Variants in ELAVL2 observed in about 807,000 individuals in gnomAD.
ELAVL2 encodes ELAV-like protein 2.
Under a neutral mutation model 34.6 loss-of-function variants are expected in ELAVL2, and 4 were observed. The observed-to-expected ratio is 0.12, with a 90% CI of 0.06 to 0.26. ELAVL2 has a LOEUF of 0.26. Ranked by LOEUF, ELAVL2 falls within the 10% of genes least tolerant of loss-of-function variation. The pLI is 1.00. For synonymous variants in ELAVL2, 193 were observed against 154.8 expected (o/e 1.25, Z -1.83); for missense variants, 432 against 442.8 (o/e 0.98, Z 0.22).
At chr9:23,704,209 G>C (rs2038525154) in intron 4 of ELAVL2, among the ~76,000 whole-genome samples, 4 of 151,684 alleles carry the variant, frequency 2.6e-5, no homozygotes, top group South Asian at 2.1e-4. Context: ...TTGGATTATA[G>C]GCATGAGCCA....
chr9:23,791,298 T>G (rs760620194), intron 1 of ELAVL2, among the ~76,000 whole-genome samples: 2 of 152,206 alleles, frequency 1.3e-5, no homozygotes, highest in South Asian at 2.1e-4. Flanking sequence ...AGCATTTCCC[T>G]TCTGGAATGA....
chr9:23,720,669 A>G (rs2043448020), intron 3 of ELAVL2, among the ~76,000 whole-genome samples: 1 of 152,228 alleles, frequency 6.6e-6, no homozygotes, highest in Non-Finnish European at 1.5e-5. Context: ...TTAAAAACAC[A>G]TTAGTGAATC....
At chr9:23,724,253 C>T (rs975837564) in intron 3 of ELAVL2, among the ~76,000 whole-genome samples, 2 of 152,194 alleles carry the variant, frequency 1.3e-5, no homozygotes, top group African/African-American at 4.8e-5. Flanking sequence ...GCAGGGGACA[C>T]TGCCACCAAG....
At chr9:23,713,069 G>A (rs1271230845) in intron 3 of ELAVL2, among the ~76,000 whole-genome samples, 2 of 152,184 alleles carry the variant, frequency 1.3e-5, no homozygotes, top group Admixed American at 6.5e-5. Flanking sequence ...GTGTATCAAA[G>A]AGGGTCTAAA....
chr9:23,837,973 C>T, the ELAVL2 span, among the ~76,000 whole-genome samples: 6 of 152,150 alleles, frequency 3.9e-5, no homozygotes, highest in Admixed American at 3.3e-4. Context: ...TTCCAACCAG[C>T]GGGTAACATT....
intron 2 of ELAVL2, among the ~76,000 whole-genome samples, chr9:23,747,020 T>TGA (rs1243399894): frequency 6.6e-6 from 1 of 152,050 alleles, no homozygotes; most frequent in African/African-American, 2.4e-5. Context: ...CTACCTCCCT[T>TGA]GAACCATGAG....
At chr9:23,768,495 A>G (rs947255671) in intron 1 of ELAVL2, among the ~76,000 whole-genome samples, 1 of 151,974 alleles carries the variant, frequency 6.6e-6, no homozygotes, top group Non-Finnish European at 1.5e-5. Context: ...TAAATTGGAA[A>G]CACAAATAAT....
At position 23,702,974 on chromosome 9, in the gene ELAVL2, A is replaced by AAAAAAC. The variant is rs1299677934; in HGVS notation, c.488-1371_488-1370insGTTTTT. Among the ~76,000 whole-genome samples the AAAAAAC allele has an allele frequency of 1.2e-3, 172 of 139,376 alleles. 8 individuals are homozygous for AAAAAAC. Among genetic ancestry groups the AAAAAAC allele is most frequent in the Non-Finnish European group, 2.0e-3 (134 of 66,106 alleles). 91.4% of individuals were successfully genotyped at this position (139,376 alleles called of 152,430 possible). Reference sequence around the variant, plus strand: ...AGCAAAAAAAAAAAAAAAAAAAAAAAAAAAAAACAGCCTCTACACAGCTAG... The same window carrying AAAAAAC: ...AGCAAAAAAAAAAAAAAAAAAAAAAAAAAAACAAAAAAACAGCCTCTACACAGCTAG... On this transcript the variant is annotated intron_variant, in intron 4 of 6. Transcript: ENST00000397312.
In ELAVL2 at chr9:23,759,754, TTATATATATATATATATATA is replaced by T. The variant is rs774471922; in HGVS notation, c.229+2232_229+2251del. Reference sequence around the variant, plus strand: ...ATATGTGTATACATCATATATAGTATTATATATATATATATATATATATATATATATATATAATGTATAGA... The same window carrying T: ...ATATGTGTATACATCATATATAGTATTATATATATATATATAATGTATAGA... On this transcript the variant is annotated intron_variant, in intron 2 of 6. Transcript: ENST00000397312. 1.7e-3 allele frequency among the ~76,000 whole-genome samples: 139 copies of T among 81,352 alleles called. 1 individual carries two copies. The Middle Eastern group carries it at 0.026, about 15-fold the overall frequency. The allele number at this position is 81,352 out of a possible 152,430, so 53.4% of individuals were successfully genotyped here.
intron 5 of ELAVL2, 131 bp from the exon 6 acceptor site, chr9:23,693,617 G>A (rs1408637196): frequency 6.2e-6 from 7 of 1,136,338 alleles, no homozygotes. Context: ...TCAGAATGCT[G>A]GGTCTTTTTA....
At position 23,732,200 on chromosome 9, in the gene ELAVL2, A is replaced by G. The variant is rs542617905; in HGVS notation, c.230-1075T>C. Among the ~76,000 whole-genome samples, 47 of 152,224 alleles carry G rather than the reference A, an allele frequency of 3.1e-4. No individual in the cohort carries two copies. In the South Asian group the frequency reaches 9.4e-3, roughly 30 times the overall value. ...CATCAATTTCATAGGGAAGTGAGGT[A>G]TTTTTTCTTGATGGGGCACCGTAGG... is the stretch of plus-strand genomic sequence containing the variant. On this transcript the variant is annotated intron_variant, in intron 2 of 6. Coordinates refer to ENST00000397312, the MANE Select transcript of ELAVL2 (RefSeq NM_004432.5).
chr9:23,821,931 C>A (rs1334543295), intron 1 of ELAVL2: 2 of 151,376 alleles, frequency 1.3e-5, no homozygotes, highest in Non-Finnish European at 2.9e-5. Flanking sequence ...CGGCCGCCGC[C>A]GGCGCGTGCC....
chr9:23,839,154 C>T, the ELAVL2 span, among the ~76,000 whole-genome samples: 1 of 151,800 alleles, frequency 6.6e-6, no homozygotes. Context: ...AAAGAAGGTA[C>T]TAAGAAAAAA....
At chr9:23,725,290 G>A (rs898814053) in intron 3 of ELAVL2, among the ~76,000 whole-genome samples, 2 of 152,086 alleles carry the variant, frequency 1.3e-5, no homozygotes, top group Admixed American at 6.5e-5. Flanking sequence ...GCATAACTCA[G>A]GCTCATTTCC....
At chr9:23,737,193 A>G (rs1484299601) in intron 2 of ELAVL2, among the ~76,000 whole-genome samples, 1 of 152,246 alleles carries the variant, frequency 6.6e-6, no homozygotes, top group Admixed American at 6.5e-5. Context: ...AGATCATTAA[A>G]TGTTCTGTGA....
At chr9:23,783,406 G>T in intron 1 of ELAVL2, 1 of 976,878 alleles carries the variant, frequency 1.0e-6, no homozygotes, top group Non-Finnish European at 1.2e-6. Context: ...AGAAAAACAT[G>T]TAACTTCAGA....
intron 5 of ELAVL2, among the ~76,000 whole-genome samples, chr9:23,698,094 G>C (rs962449048): frequency 1.3e-5 from 2 of 152,060 alleles, no homozygotes; most frequent in East Asian, 1.9e-4. Flanking sequence ...TCATTTAAAA[G>C]GCTTTTTAAA....
intron 1 of ELAVL2, among the ~76,000 whole-genome samples, chr9:23,794,768 T>C (rs1202981948): frequency 1.3e-5 from 2 of 152,198 alleles, no homozygotes; most frequent in Non-Finnish European, 2.9e-5. Context: ...CACTTGGCAA[T>C]GCTCCCTACA....
intron 3 of ELAVL2, among the ~76,000 whole-genome samples, chr9:23,712,502 T>C (rs926159336): frequency 1.3e-5 from 2 of 152,196 alleles, no homozygotes; most frequent in Non-Finnish European, 2.9e-5. Flanking sequence ...TAGTAATGCC[T>C]GAGAATTATT....
Sources: allele counts gnomAD v4.1 joint callset (sites outside exome capture counted in the v4.1 genomes callset), GRCh38; gene constraint gnomAD v4.1.1; transcripts MANE v1.5; gene names NCBI Gene and HGNC (gene_info 2026-07-23, HGNC 2026-07-21).